LHFPL1: variants seen among roughly 807,000 people sequenced by gnomAD.
LHFPL1 encodes the protein LHFPL tetraspan subfamily member 1 protein.
LHFPL1 carries 4 observed loss-of-function variants against 12.1 expected under a neutral mutation model. The observed-to-expected ratio is 0.33, with a 90% CI of 0.16 to 0.76. The LOEUF (loss-of-function observed/expected upper bound fraction) is 0.76, where lower values mean the gene tolerates loss of function less well. Among genes scored for constraint, LHFPL1 ranks in the 30% least tolerant of loss-of-function variants. The pLI is 0.61. For missense variants in LHFPL1, 141 were observed against 174.1 expected (o/e 0.81, Z 1.07); for synonymous variants, 52 against 61.9 (o/e 0.84, Z 0.75).
intron 3 of LHFPL1, among the ~76,000 whole-genome samples, chrX:112,643,612 T>A (rs1045121874): frequency 1.8e-5 from 2 of 110,939 alleles, no homozygotes; most frequent in Non-Finnish European, 3.8e-5. Flanking sequence ...ATGATTCAGT[T>A]ATCTCCACCT....
intron 2 of LHFPL1, among the ~76,000 whole-genome samples, chrX:112,669,225 C>T (rs1762246775): frequency 1.8e-5 from 2 of 112,571 alleles, no homozygotes; most frequent in African/African-American, 6.5e-5. Context: ...CCCCTCTGCC[C>T]TATCAGCCAA....
chrX:112,643,080 TAA>T (rs774495839), intron 3 of LHFPL1, among the ~76,000 whole-genome samples: 271 of 82,750 alleles, frequency 3.3e-3, no homozygotes, highest in African/African-American at 7.1e-3. Flanking sequence ...CTGGGTAATT[TAA>T]AAAAAAAAAA....
chrX:112,656,981 A>G (rs1931022933), intron 3 of LHFPL1, among the ~76,000 whole-genome samples: 2 of 112,022 alleles, frequency 1.8e-5, no homozygotes, highest in Admixed American at 1.9e-4. Context: ...CATACTCCAA[A>G]TCTCTAACCT....
chrX:112,640,096 G>T (rs148718467), intron 3 of LHFPL1, among the ~76,000 whole-genome samples: 4,277 of 110,967 alleles, frequency 0.039, 73 homozygotes, highest in Non-Finnish European at 0.058. Flanking sequence ...AGCTAATATT[G>T]GTTAAATGTT....
Position 112,654,027 on chromosome X carries a change from G to A in LHFPL1, c.481+6600C>T, listed in dbSNP as rs187822390. On this transcript the variant is annotated intron_variant, in intron 3 of 3. Coordinates refer to ENST00000371968, the MANE Select transcript of LHFPL1 (RefSeq NM_178175.4). ...GACATCAGGCAAACTCACATTGTGG[G>A]TTGGAGAATAATTTAGTACAGTCTC... Among the ~76,000 whole-genome samples, 10 of 112,096 alleles carry A rather than the reference G, an allele frequency of 8.9e-5. No individual in the cohort carries two copies. In the East Asian group the frequency reaches 2.8e-3, roughly 31 times the overall value.
Position 112,671,039 on chromosome X carries a change from G to C in LHFPL1, c.352C>G (p.Arg118Gly), listed in dbSNP as rs375090388. The change falls in exon 2 of 4, where the codon CGT becomes GGT. Residue 118 changes from arginine to glycine, a missense_variant. Arg to Gly is a moderately radical substitution (Grantham distance 125). Coordinates refer to ENST00000371968, the MANE Select transcript of LHFPL1 (RefSeq NM_178175.4). The part of the protein sequence containing the change: ...MEELISRMMG[R>G]CMGAAQFVGG... The stretch of plus-strand genomic sequence containing the variant: ...ACAAACTGCGCTGCTCCCATGCAAC[G>C]TCCCATCATTCTGGAGATGAGCTCC... 1 of 1,209,688 alleles carries C rather than the reference G, an allele frequency of 8.3e-7. No individual in the cohort carries two copies. The highest frequency in any genetic ancestry group is 1.1e-6 in the Non-Finnish European group (1 of 894,914).
chrX:112,676,472 G>A (rs2147735390), intron 1 of LHFPL1, among the ~76,000 whole-genome samples: 1 of 111,829 alleles, frequency 8.9e-6, no homozygotes, highest in Admixed American at 9.5e-5. Context: ...TTTTAAATCT[G>A]CTAGATGGGC....
intron 3 of LHFPL1, among the ~76,000 whole-genome samples, chrX:112,636,884 T>A (rs1930355828): frequency 8.9e-6 from 1 of 112,017 alleles, no homozygotes; most frequent in Non-Finnish European, 1.9e-5. Context: ...CTAGAATTGT[T>A]TAAAAGTCTG....
In LHFPL1 at chrX:112,671,288, C is replaced by T. The variant is rs746250475; in HGVS notation, c.103G>A (p.Gly35Arg). 4 of 1,212,120 alleles carry T rather than the reference C, an allele frequency of 3.3e-6. No individual in the cohort carries two copies. The East Asian group carries it at 1.2e-4, about 36-fold the overall frequency. Residue 35 changes from glycine to arginine, a missense_variant, in exon 2 of 4, where the codon GGA becomes AGA. Coordinates refer to ENST00000371968, the MANE Select transcript of LHFPL1 (RefSeq NM_178175.4). ...GACACTGGCTTCCCCATCTGGGATC[C>T]AAAGAGCCAGTAAGGTAGGAAGTAA... is the stretch of plus-strand genomic sequence containing the variant. ...TSYFLPYWLF[G>R]SQMGKPVSFS...
chrX:112,669,131 T>C (rs928178928), intron 2 of LHFPL1, among the ~76,000 whole-genome samples: 1 of 112,839 alleles, frequency 8.9e-6, no homozygotes, highest in Admixed American at 9.4e-5. Flanking sequence ...GCATTCATTC[T>C]TTCTACAGTT....
At chrX:112,663,891 G>A (rs957049629) in intron 2 of LHFPL1, among the ~76,000 whole-genome samples, 2 of 111,525 alleles carry the variant, frequency 1.8e-5, no homozygotes, top group Admixed American at 9.4e-5. Context: ...GTGAGTTTAC[G>A]CAAGTTACTT....
Position 112,666,463 on chromosome X carries a change from T to C in LHFPL1, c.382+4546A>G, listed in dbSNP as rs747139870. 4.5e-5 allele frequency among the ~76,000 whole-genome samples: 5 copies of C among 111,227 alleles called. No homozygotes were observed. In the South Asian group the frequency reaches 1.5e-3, roughly 34 times the overall value. On this transcript the variant is annotated intron_variant, in intron 2 of 3. Transcript: ENST00000371968. ...ATAGGTAGATATTTACAGGGAGGGA[T>C]AGAAGAAAAGGGAATTCCAGAAAGA...
chrX:112,631,194 T>G lies in LHFPL1; in HGVS notation c.*226A>C. The G allele has an allele frequency of 3.1e-6, 1 of 326,991 alleles. No homozygotes were observed. Among genetic ancestry groups the G allele is most frequent in the Non-Finnish European group, 5.4e-6 (1 of 186,010 alleles). The allele number at this position is 326,991 out of a possible 1,213,427, so 26.9% of individuals were successfully genotyped here. ...CTTTGGGTCTTCGGGTTAGCACGAC[T>G]TGCCAGTTGGGTAAATGTCTGAGAA... On this transcript the variant is annotated 3_prime_UTR_variant, in exon 4 of 4. Coordinates refer to ENST00000371968, the MANE Select transcript of LHFPL1 (RefSeq NM_178175.4).
intron 3 of LHFPL1, among the ~76,000 whole-genome samples, chrX:112,637,638 A>G (rs1930382040): frequency 8.9e-6 from 1 of 112,236 alleles, no homozygotes; most frequent in South Asian, 3.7e-4. Context: ...AAAGGGCATA[A>G]AAAGAGAATG....
intron 2 of LHFPL1, among the ~76,000 whole-genome samples, chrX:112,666,901 A>G (rs760331550): frequency 9.0e-6 from 1 of 111,650 alleles, no homozygotes; most frequent in Non-Finnish European, 1.9e-5. Context: ...CAAGAGCATC[A>G]GTGTATGAAG....
chrX:112,660,415 C>T (rs1354140844), intron 3 of LHFPL1, among the ~76,000 whole-genome samples: 3 of 111,741 alleles, frequency 2.7e-5, no homozygotes, highest in Non-Finnish European at 5.6e-5. Flanking sequence ...GTCATAGGTC[C>T]CCGGGCAAAA....
chrX:112,677,708 T>G (rs1931691583), intron 1 of LHFPL1, among the ~76,000 whole-genome samples: 1 of 110,513 alleles, frequency 9.0e-6, no homozygotes, highest in Non-Finnish European at 1.9e-5. Context: ...TCTCTCCTCA[T>G]GTTCTGCTAC....
At chrX:112,658,913 A>T (rs1282449014) in intron 3 of LHFPL1, among the ~76,000 whole-genome samples, 1 of 112,360 alleles carries the variant, frequency 8.9e-6, no homozygotes, top group African/African-American at 3.2e-5. Flanking sequence ...AAAATGTGTT[A>T]CATTTATACC....
intron 1 of LHFPL1, among the ~76,000 whole-genome samples, chrX:112,673,187 A>C (rs778442624): frequency 9.9e-5 from 11 of 111,655 alleles, no homozygotes; most frequent in Non-Finnish European, 1.9e-4. Flanking sequence ...TCCCCTATTG[A>C]TACATATGTA....
Sources: gnomAD v4.1 joint callset for allele counts (sites outside exome capture counted in the v4.1 genomes callset) on GRCh38, gnomAD v4.1.1 for gene constraint, MANE v1.5 for transcripts, NCBI Gene and HGNC (gene_info 2026-07-23, HGNC 2026-07-21) for gene names.